Variants in THADA observed in about 807,000 individuals in gnomAD.
THADA encodes THADA armadillo repeat containing, also known as tRNA (32-2'-O)-methyltransferase regulator THADA.
Under a neutral mutation model 219.8 loss-of-function variants are expected in THADA, and 213 were observed. That is an observed-to-expected ratio of 0.97 (90% CI 0.87 to 1.09). THADA has a LOEUF of 1.09. Among genes scored for constraint, THADA ranks in the 50% least tolerant of loss-of-function variants. The pLI, the probability that THADA is intolerant of heterozygous loss-of-function variation, is 0.00. For missense variants in THADA, 2,956 were observed against 2,311.3 expected, an observed-to-expected ratio of 1.28 and a Z score of -5.72; for synonymous variants, 1,018 against 828.9, an observed-to-expected ratio of 1.23 and a Z score of -3.92.
chr2:43,451,689 A>G (rs1682361510), intron 26 of THADA, among the ~76,000 whole-genome samples: 1 of 152,224 alleles, frequency 6.6e-6, no homozygotes, highest in Non-Finnish European at 1.5e-5. Context: ...CTAAAGATAT[A>G]TACAAGATTA....
rs1218079783 is a variant in THADA, at chr2:43,520,713, T to TATATATACACACAC, written c.3374+7165_3374+7166insGTGTGTGTATATAT. 4.4e-3 allele frequency among the ~76,000 whole-genome samples: 555 copies of TATATATACACACAC among 125,056 alleles called. 4 individuals carry two copies. The highest frequency in any genetic ancestry group is 0.015 in the African/African-American group (515 of 33,572). 82.0% of individuals were successfully genotyped at this position (125,056 alleles called of 152,430 possible). ...TCAAATATTTATACGTATATATATATACACACACACACACACACACACACA... is the reference window on the plus strand; with the variant it reads ...TCAAATATTTATACGTATATATATATATATATACACACACACACACACACACACACACACACACA... On this transcript the variant is annotated intron_variant, in intron 22 of 37. Coordinates refer to ENST00000405975, the MANE Select transcript of THADA (RefSeq NM_022065.5).
intron 26 of THADA, among the ~76,000 whole-genome samples, chr2:43,481,149 G>A (rs1440559209): frequency 1.3e-5 from 2 of 152,170 alleles, no homozygotes; most frequent in Non-Finnish European, 2.9e-5. Flanking sequence ...CTATAAGCAC[G>A]ATGCTGGACT....
At chr2:43,432,399 C>T (rs1053495474) in intron 26 of THADA, among the ~76,000 whole-genome samples, 2 of 151,518 alleles carry the variant, frequency 1.3e-5, no homozygotes, top group Non-Finnish European at 2.9e-5. Flanking sequence ...AGTAGTATTC[C>T]ATTATATGAA....
At position 43,400,457 on chromosome 2, in the gene THADA, T is replaced by TTATATATATATATATA. The variant is rs539798216; in HGVS notation, c.4059-2334_4059-2319dup. 8.8e-4 allele frequency among the ~76,000 whole-genome samples: 79 copies of TTATATATATATATATA among 89,906 alleles called. 3 individuals carry two copies. Among genetic ancestry groups the TTATATATATATATATA allele is most frequent in the African/African-American group, 1.8e-3 (46 of 25,694 alleles). 59.0% of individuals were successfully genotyped at this position (89,906 alleles called of 152,430 possible). On this transcript the variant is annotated intron_variant, in intron 28 of 37. Transcript: ENST00000405975. ...TGGAAAGATTAGATCATAGACAAAT[T>TTATATATATATATATA]TATATATATATATATATATAAATAT...
chr2:43,344,413 G>C (rs75649792), intron 29 of THADA, among the ~76,000 whole-genome samples, 176 bp from the exon 30 acceptor site: 1 of 152,120 alleles, frequency 6.6e-6, no homozygotes, highest in Non-Finnish European at 1.5e-5. Context: ...TAGCAGTGCC[G>C]AGAAACCCAA....
At chr2:43,508,230 G>A (rs956533751) in intron 23 of THADA, among the ~76,000 whole-genome samples, 9 of 152,022 alleles carry the variant, frequency 5.9e-5, no homozygotes, top group African/African-American at 1.9e-4. Flanking sequence ...TTTTATAGGA[G>A]AATTGAAAAG....
At position 43,279,840 on chromosome 2, in the gene THADA, C is replaced by A; in HGVS notation, c.5221G>T (p.Glu1741Ter). Residue 1741 changes from glutamate (E) to a stop codon, truncating the protein, a stop_gained, in exon 36 of 38, where the codon GAG becomes TAG. Transcript: ENST00000405975. LOFTEE classifies it high-confidence loss of function. ...GTGGCTGCATCTCTAACAGCTTGCTCCTCACTCTGCAGAAGGGTAAGGACA... is the reference window on the plus strand; with the variant it reads ...GTGGCTGCATCTCTAACAGCTTGCTACTCACTCTGCAGAAGGGTAAGGACA... Reference protein sequence around the residue: ...KCVLTLLQSEEQAVRDAATET... With the variant: ...KCVLTLLQSE The A allele has an allele frequency of 6.4e-7, 1 of 1,566,668 alleles. No individual in the cohort carries two copies. The highest frequency in any genetic ancestry group is 1.2e-5 in the South Asian group (1 of 83,966).
intron 36 of THADA, among the ~76,000 whole-genome samples, chr2:43,257,564 T>C (rs538972108): frequency 1.3e-5 from 2 of 152,354 alleles, no homozygotes; most frequent in Non-Finnish European, 2.9e-5. Context: ...CATTCCCCAC[T>C]TCCTCCGTTG....
chr2:43,318,820 A>C (rs1678378527), intron 31 of THADA, among the ~76,000 whole-genome samples: 1 of 152,246 alleles, frequency 6.6e-6, no homozygotes, highest in African/African-American at 2.4e-5. Flanking sequence ...GATGGTTCAA[A>C]AAAGCTAAAG....
intron 26 of THADA, among the ~76,000 whole-genome samples, chr2:43,482,914 A>G (rs1196122417): frequency 6.6e-6 from 1 of 152,176 alleles, no homozygotes; most frequent in East Asian, 1.9e-4. Context: ...CACAGATCTT[A>G]TTATTCCTGG....
intron 22 of THADA, among the ~76,000 whole-genome samples, chr2:43,514,853 T>C (rs1189225962): frequency 2.8e-5 from 2 of 70,594 alleles, no homozygotes; most frequent in Non-Finnish European, 4.7e-5. Context: ...TATAATAATA[T>C]GTACAATATA....
At position 43,297,979 on chromosome 2, in the gene THADA, GC is replaced by G. The variant is rs1675762170; in HGVS notation, c.4439-4767del. On this transcript the variant is annotated intron_variant, in intron 31 of 37. Coordinates refer to ENST00000405975, the MANE Select transcript of THADA (RefSeq NM_022065.5). The stretch of plus-strand genomic sequence containing the variant: ...GGGTCAGCCCCCCGCCCGGCCAGCC[GC>G]CCCGTCCGGGAGGGAGTGTGGGGGG... 1.1e-4 allele frequency among the ~76,000 whole-genome samples: 2 copies of G among 18,478 alleles called. 1 individual carries two copies. The highest frequency in any genetic ancestry group is 7.1e-4 in the Admixed American group (2 of 2,804). 12.1% of individuals were successfully genotyped at this position (18,478 alleles called of 152,430 possible).
At chr2:43,538,113 T>A (rs986137471) in intron 21 of THADA, among the ~76,000 whole-genome samples, 1 of 152,210 alleles carries the variant, frequency 6.6e-6, no homozygotes, top group Middle Eastern at 3.4e-3. Context: ...ACATATAAAC[T>A]TAAGTTCATA....
intron 28 of THADA, 53 bp from the exon 29 acceptor site, chr2:43,398,192 A>T: frequency 6.4e-7 from 1 of 1,569,418 alleles, no homozygotes; most frequent in Admixed American, 1.7e-5. Flanking sequence ...CACATCTGTG[A>T]CTTTGTATAT....
intron 26 of THADA, among the ~76,000 whole-genome samples, chr2:43,434,928 C>T (rs538427882): frequency 1.3e-5 from 2 of 152,286 alleles, no homozygotes; most frequent in South Asian, 2.1e-4. Context: ...GGGCTTCAGC[C>T]GTAAACATTC....
At chr2:43,386,773 T>C (rs995894844) in intron 29 of THADA, among the ~76,000 whole-genome samples, 1 of 151,816 alleles carries the variant, frequency 6.6e-6, no homozygotes, top group African/African-American at 2.4e-5. Context: ...GGCGCGTGCC[T>C]GTAATTCCAG....
chr2:43,231,282 A>G lies in THADA; in HGVS notation c.5528T>C (p.Phe1843Ser). The change falls in exon 38 of 38, where the codon TTT becomes TCT. Residue 1843 changes from phenylalanine to serine, a missense_variant. Transcript: ENST00000405975. ...EVNFWAETLI[F>S]VKYLCKHLFC... is the part of the protein sequence containing the mutation. ...GAGGTGCTTGCAGAGGTATTTCACA[A>G]AGATCAGGGTCTCGGCCCAAAAGTT... 2 of 1,603,382 alleles carry G rather than the reference A, an allele frequency of 1.2e-6. No homozygotes were observed. The highest frequency in any genetic ancestry group is 1.7e-6 in the Non-Finnish European group (2 of 1,176,234).
chr2:43,247,637 G>T (rs778275230), intron 36 of THADA, among the ~76,000 whole-genome samples: 6 of 146,666 alleles, frequency 4.1e-5, no homozygotes, highest in South Asian at 2.2e-4. Context: ...GCTGAGGCAC[G>T]AGAATCGCTT....
At chr2:43,254,020 G>C (rs76802621) in intron 36 of THADA, among the ~76,000 whole-genome samples, 2 of 151,854 alleles carry the variant, frequency 1.3e-5, no homozygotes, top group Non-Finnish European at 2.9e-5. Context: ...GTTTGGGTGG[G>C]GCTAACCCTA....
Sources: allele counts gnomAD v4.1 joint callset (sites outside exome capture counted in the v4.1 genomes callset), GRCh38; gene constraint gnomAD v4.1.1; transcripts MANE v1.5; gene names NCBI Gene and HGNC (gene_info 2026-07-23, HGNC 2026-07-21).